Variants in KDR observed in about 807,000 individuals in gnomAD.
KDR encodes the protein kinase insert domain receptor.
Under a neutral mutation model 160.9 loss-of-function variants are expected in KDR, and 43 were observed. The ratio of observed to expected loss-of-function variants is 0.27; its 90% CI spans 0.21 to 0.34. KDR has a LOEUF of 0.34. Ranked by LOEUF, KDR falls within the 10% of genes least tolerant of loss-of-function variation. The pLI, the probability that KDR is intolerant of heterozygous loss-of-function variation, is 1.00. For synonymous variants in KDR, 617 were observed against 600.1 expected, an observed-to-expected ratio of 1.03 and a Z score of -0.41; for missense variants, 1,469 against 1,666.4, an observed-to-expected ratio of 0.88 and a Z score of 2.06.
In KDR at chr4:55,078,564, C is replaced by T. The variant is rs1719639694; in HGVS notation, c.*1377G>A. ...TTTGTTATGCTACATAATACTGATA[C>T]AAAATGTGAATAGTACAAAGTTCAT... On this transcript the variant is annotated 3_prime_UTR_variant, in exon 30 of 30. Coordinates refer to ENST00000263923, the MANE Select transcript of KDR (RefSeq NM_002253.4). The T allele has an allele frequency of 8.6e-6, 2 of 232,450 alleles. No homozygotes were observed. Among genetic ancestry groups the T allele is most frequent in the East Asian group, 6.1e-5 (1 of 16,422 alleles). 14.4% of individuals were successfully genotyped at this position (232,450 alleles called of 1,614,324 possible). A position where few individuals can be genotyped will look rare whatever the true frequency, so the allele number is the denominator to read the frequency against.
At chr4:55,115,857 T>C (rs752196392) in intron 3 of KDR, among the ~76,000 whole-genome samples, 4 of 152,214 alleles carry the variant, frequency 2.6e-5, no homozygotes, top group Non-Finnish European at 5.9e-5. Flanking sequence ...ATGTGCTCTC[T>C]CTTTAGGTAA....
At chr4:55,097,372 T>G (rs1560516546) in intron 18 of KDR, among the ~76,000 whole-genome samples, 2 of 152,154 alleles carry the variant, frequency 1.3e-5, no homozygotes, top group Non-Finnish European at 1.5e-5. Flanking sequence ...CACAGTCCTT[T>G]TTCCCTGTAC....
chr4:55,099,230 G>A (rs1392371873), intron 15 of KDR, among the ~76,000 whole-genome samples: 1 of 152,012 alleles, frequency 6.6e-6, no homozygotes, highest in African/African-American at 2.4e-5. Flanking sequence ...CATTGCCCAG[G>A]CTAGTCTCGA....
Position 55,110,413 on chromosome 4 carries a change from C to G in KDR, c.1245G>C (p.Leu415=), listed in dbSNP as rs778421767. 12 of 1,614,000 alleles carry G rather than the reference C, an allele frequency of 7.4e-6. No individual in the cohort carries two copies. The highest frequency in any genetic ancestry group is 2.7e-5 in the African/African-American group (2 of 75,012). ...SKEKQSHVVS[L]VVYVPPQIGE... ...ATTGAATGGACTCACCATACACAAC[C>G]AGAGAGACCACATGGCTCTGCTTCT... is the stretch of plus-strand genomic sequence containing the variant. The change falls in exon 9 of 30, where the codon CTG becomes CTC. Residue 415 remains leucine (L), a synonymous_variant. Transcript: ENST00000263923.
At chr4:55,100,837 T>C (rs1002551276) in intron 15 of KDR, among the ~76,000 whole-genome samples, 2 of 152,150 alleles carry the variant, frequency 1.3e-5, no homozygotes, top group African/African-American at 4.8e-5. Context: ...ACCATACTTC[T>C]TTCTTACCCT....
At chr4:55,125,204 C>T (rs2110039207) in intron 1 of KDR, 23 bp downstream of exon 1, 2 of 1,608,682 alleles carry the variant, frequency 1.2e-6, no homozygotes, top group Non-Finnish European at 1.7e-6. Context: ...GTCTGCCTTC[C>T]TCCTCCAGAG....
chr4:55,098,132 T>C lies in KDR; in HGVS notation c.2509+5A>G. 1.2e-6 allele frequency: 2 copies of C among 1,613,840 alleles called. No homozygotes were observed. The highest frequency in any genetic ancestry group is 1.7e-4 in the Middle Eastern group (1 of 6,056). On this transcript the variant is annotated splice_donor_5th_base_variant and intron_variant, in intron 17 of 29. Coordinates refer to ENST00000263923, the MANE Select transcript of KDR (RefSeq NM_002253.4). Reference sequence around the variant, plus strand: ...ATATCAAATTAATAGCAATTGAAAATGCACCTAGCTTCAGCCGGTCTCTGG... The same window carrying C: ...ATATCAAATTAATAGCAATTGAAAACGCACCTAGCTTCAGCCGGTCTCTGG...
At chr4:55,087,461 T>C (rs1719891351) in intron 27 of KDR, 146 bp downstream of exon 27, 1 of 695,164 alleles carries the variant, frequency 1.4e-6, no homozygotes, top group African/African-American at 1.8e-5. Flanking sequence ...CCAGGAGCAT[T>C]CCCCATTATG....
In KDR at chr4:55,105,289, A is replaced by T. The variant is rs563939005; in HGVS notation, c.1646-305T>A. Among the ~76,000 whole-genome samples, 104 of 152,354 alleles carry T rather than the reference A, an allele frequency of 6.8e-4. 3 individuals carry two copies. The highest frequency in any genetic ancestry group is 3.5e-4 in the Non-Finnish European group (24 of 68,028). On this transcript the variant is annotated intron_variant, in intron 12 of 29. Transcript: ENST00000263923. ...AAATCTCTAATTCTAACAGAATTTT[A>T]AAATTAGGTCTTCATTAACACTAAC...
At chr4:55,101,105 G>GGAATCC (rs1263926748) in intron 15 of KDR, among the ~76,000 whole-genome samples, 2 of 152,068 alleles carry the variant, frequency 1.3e-5, no homozygotes, top group Non-Finnish European at 2.9e-5. Context: ...ATTAAAACTC[G>GGAATCC]GAATCCTTGT....
In KDR at chr4:55,125,500, G is replaced by T; in HGVS notation, c.-207C>A. The T allele has an allele frequency of 1.6e-6, 1 of 621,728 alleles. No individual in the cohort carries two copies. Among genetic ancestry groups the T allele is most frequent in the East Asian group, 2.7e-5 (1 of 36,498 alleles). The allele number at this position is 621,728 out of a possible 1,614,324, so 38.5% of individuals were successfully genotyped here. ...GTAGGAGAGGATATCCAGGCTGCCA[G>T]ACGGACTTTCTGCGGCGCGCAAGTG... On this transcript the variant is annotated 5_prime_UTR_variant, in exon 1 of 30. The change creates a new upstream start codon in the 5' untranslated region. Coordinates refer to ENST00000263923, the MANE Select transcript of KDR (RefSeq NM_002253.4).
chr4:55,097,866 C>A, intron 17 of KDR, 100 bp from the exon 18 acceptor site: 1 of 895,640 alleles, frequency 1.1e-6, no homozygotes, highest in Non-Finnish European at 1.8e-6. Context: ...CCATACATCC[C>A]AATTTAACAT....
At chr4:55,096,117 A>G in intron 19 of KDR, 112 bp downstream of exon 19, 1 of 690,758 alleles carries the variant, frequency 1.4e-6, no homozygotes, top group Admixed American at 2.1e-5. Context: ...AGGAATCCGC[A>G]AAGTATTCTA....
At chr4:55,104,191 G>A (rs1458775835) in intron 13 of KDR, among the ~76,000 whole-genome samples, 1 of 152,078 alleles carries the variant, frequency 6.6e-6, no homozygotes, top group Non-Finnish European at 1.5e-5. Flanking sequence ...CTATAGCAGG[G>A]AGCAAAACAG....
chr4:55,087,012 C>A (rs886865595), intron 27 of KDR, among the ~76,000 whole-genome samples: 3 of 152,230 alleles, frequency 2.0e-5, no homozygotes, highest in African/African-American at 7.2e-5. Flanking sequence ...AAAAAGAAAG[C>A]TGCCTTTAGA....
Position 55,087,681 on chromosome 4 carries a change from G to C in KDR, c.3588C>G (p.Thr1196=). ...CCTCCTCCATACAGGAAACAGGTGAGGTAGGCAGAGAGAGTCCAGAATCCT... is the reference window on the plus strand; with the variant it reads ...CCTCCTCCATACAGGAAACAGGTGACGTAGGCAGAGAGAGTCCAGAATCCT... ...MEEDSGLSLP[T]SPVSCMEEEE... is the part of the protein sequence containing the mutation. The change falls in exon 27 of 30, where the codon ACC becomes ACG. Residue 1196 remains threonine, a synonymous_variant. Transcript: ENST00000263923. 6.2e-7 allele frequency: 1 copy of C among 1,613,926 alleles called. No homozygotes were observed. Among genetic ancestry groups the C allele is most frequent in the Non-Finnish European group, 8.5e-7 (1 of 1,179,786 alleles).
At chr4:55,116,436 A>T (rs937226497) in intron 3 of KDR, among the ~76,000 whole-genome samples, 1 of 150,398 alleles carries the variant, frequency 6.6e-6, no homozygotes, top group Non-Finnish European at 1.5e-5. Flanking sequence ...AAAAAAAAAA[A>T]GATTTCAAGG....
intron 7 of KDR, 86 bp from the exon 8 acceptor site, chr4:55,110,854 A>G (rs573857900): frequency 9.0e-7 from 1 of 1,105,396 alleles, no homozygotes; most frequent in African/African-American, 1.6e-5. Flanking sequence ...AACGTCAAAG[A>G]CCTTGAGGGT....
At chr4:55,088,699 G>C (rs2110009905) in intron 26 of KDR, among the ~76,000 whole-genome samples, 169 bp downstream of exon 26, 1 of 152,266 alleles carries the variant, frequency 6.6e-6, no homozygotes, top group South Asian at 2.1e-4. Context: ...CTGTCTAAAA[G>C]GGTAATTACA....
Sources: allele counts gnomAD v4.1 joint callset (sites outside exome capture counted in the v4.1 genomes callset), GRCh38; gene constraint gnomAD v4.1.1; transcripts MANE v1.5; gene names NCBI Gene and HGNC (gene_info 2026-07-23, HGNC 2026-07-21).